The following TASP1 variants were observed in gnomAD, a reference collection of about 807,000 sequenced individuals.
TASP1 encodes the protein taspase 1.
TASP1 carries 16 observed loss-of-function variants against 56.6 expected under a neutral mutation model. That is an observed-to-expected ratio of 0.28 (90% confidence interval 0.19 to 0.43). The LOEUF (loss-of-function observed/expected upper bound fraction) is 0.43, where lower values mean the gene tolerates loss of function less well. Ranked by LOEUF, TASP1 falls within the 20% of genes least tolerant of loss-of-function variation. The pLI, the probability that TASP1 is intolerant of heterozygous loss-of-function variation, is 1.00. For synonymous variants in TASP1, 179 were observed against 184.2 expected (o/e 0.97, Z 0.23); for missense variants, 393 against 511.6 (o/e 0.77, Z 2.24).
At chr20:13,189,607 C>T in the TASP1 span, among the ~76,000 whole-genome samples, 4 of 151,970 alleles carry the variant, frequency 2.6e-5, no homozygotes, top group African/African-American at 9.7e-5. Flanking sequence ...CAATGAGATA[C>T]CATTTCATAC....
intron 13 of TASP1, among the ~76,000 whole-genome samples, chr20:13,397,166 T>A (rs1340085017): frequency 2.0e-5 from 3 of 152,230 alleles, no homozygotes; most frequent in African/African-American, 7.2e-5. Context: ...TTGCTACAGG[T>A]GATAAAAGTG....
chr20:13,452,708 G>A (rs1175385711), intron 11 of TASP1, among the ~76,000 whole-genome samples: 2 of 151,810 alleles, frequency 1.3e-5, no homozygotes, highest in Non-Finnish European at 2.9e-5. Flanking sequence ...ATCTGAGAAG[G>A]GCATACTCAC....
the TASP1 span, among the ~76,000 whole-genome samples, chr20:13,224,998 A>C: frequency 8.7e-5 from 13 of 149,070 alleles, no homozygotes; most frequent in East Asian, 7.8e-4. Flanking sequence ...GGCGCCTGCC[A>C]CCACGCCCGG....
the TASP1 span, among the ~76,000 whole-genome samples, chr20:13,280,405 A>G: frequency 7.9e-6 from 1 of 127,246 alleles, no homozygotes; most frequent in East Asian, 2.7e-4. Context: ...CCCCCCCCCA[A>G]TACATTTCAA....
At chr20:13,323,797 G>A in the TASP1 span, among the ~76,000 whole-genome samples, 1 of 152,120 alleles carries the variant, frequency 6.6e-6, no homozygotes, top group African/African-American at 2.4e-5. Context: ...TTGAAATGAA[G>A]GCTTCTTTAT....
chr20:13,515,904 G>A (rs2044511284), intron 10 of TASP1, among the ~76,000 whole-genome samples: 1 of 152,008 alleles, frequency 6.6e-6, no homozygotes, highest in Admixed American at 6.6e-5. Flanking sequence ...AAGCTGGCAT[G>A]ACTTTAAAGT....
At chr20:13,221,950 CG>C in the TASP1 span, 2 of 1,306,580 alleles carry the variant, frequency 1.5e-6, no homozygotes, top group Non-Finnish European at 9.7e-7. Flanking sequence ...TGCGCGGCTG[CG>C]GGGACGGTTT....
At chr20:13,435,414 TG>T (rs1475389520) in intron 11 of TASP1, among the ~76,000 whole-genome samples, 1 of 152,102 alleles carries the variant, frequency 6.6e-6, no homozygotes, top group East Asian at 1.9e-4. Context: ...GTATTCAGAA[TG>T]GAATTGGAAA....
chr20:13,134,286 C>T, the TASP1 span, among the ~76,000 whole-genome samples: 2,814 of 152,240 alleles, frequency 0.018, 54 homozygotes, highest in South Asian at 0.03. Flanking sequence ...ATTGTATCTC[C>T]GAATACTTAA....
intron 13 of TASP1, among the ~76,000 whole-genome samples, chr20:13,413,158 T>C (rs147375492): frequency 9.1e-4 from 139 of 152,214 alleles, no homozygotes; most frequent in Non-Finnish European, 1.1e-3. Context: ...TGGCACGACC[T>C]CATGAGGTTT....
chr20:13,179,698 A>T, the TASP1 span, among the ~76,000 whole-genome samples: 1 of 152,122 alleles, frequency 6.6e-6, no homozygotes, highest in Non-Finnish European at 1.5e-5. Flanking sequence ...GATCTCAGAC[A>T]TGGAGTGCCC....
intron 4 of TASP1, among the ~76,000 whole-genome samples, chr20:13,592,395 C>T (rs1036134260): frequency 1.4e-4 from 14 of 98,030 alleles, no homozygotes; most frequent in African/African-American, 9.4e-4. Context: ...GAAACACTGT[C>T]TCAAAAAAAA....
chr20:13,376,384 T>TAGATGTG, the TASP1 span, among the ~76,000 whole-genome samples: 1 of 152,208 alleles, frequency 6.6e-6, no homozygotes, highest in Non-Finnish European at 1.5e-5. Flanking sequence ...CAGATGGTTG[T>TAGATGTG]AGATGTGTGG....
the TASP1 span, among the ~76,000 whole-genome samples, chr20:13,207,766 T>C: frequency 6.6e-6 from 1 of 152,172 alleles, no homozygotes. Flanking sequence ...GCTAATCTCA[T>C]AGAGAAACAC....
At chr20:13,323,720 A>T in the TASP1 span, among the ~76,000 whole-genome samples, 249 of 152,320 alleles carry the variant, frequency 1.6e-3, 1 homozygote, top group African/African-American at 5.1e-3. Context: ...TACTAAAAGA[A>T]TGTTCTTAAA....
chr20:13,434,970 A>T, intron 12 of TASP1, 74 bp downstream of exon 12: 1 of 1,054,770 alleles, frequency 9.5e-7, no homozygotes, highest in Admixed American at 2.4e-5. Context: ...TTATTGACTT[A>T]AGGGTATAAA....
At chr20:13,515,896 G>C (rs1385107648) in intron 10 of TASP1, among the ~76,000 whole-genome samples, 1 of 152,032 alleles carries the variant, frequency 6.6e-6, no homozygotes, top group African/African-American at 2.4e-5. Flanking sequence ...AGTCATTTAA[G>C]CTGGCATGAC....
chr20:13,136,449 A>G, the TASP1 span, among the ~76,000 whole-genome samples: 1 of 151,756 alleles, frequency 6.6e-6, no homozygotes, highest in Non-Finnish European at 1.5e-5. Flanking sequence ...CATACAAAAA[A>G]ATTAGATGGC....
chr20:13,248,900 T>C, the TASP1 span, among the ~76,000 whole-genome samples: 1 of 152,300 alleles, frequency 6.6e-6, no homozygotes, highest in Admixed American at 6.5e-5. Flanking sequence ...GGTGAAAGTA[T>C]ATGATGTAAG....
Sources: allele counts gnomAD v4.1 joint callset (sites outside exome capture counted in the v4.1 genomes callset), GRCh38; gene constraint gnomAD v4.1.1; transcripts MANE v1.5; gene names NCBI Gene and HGNC (gene_info 2026-07-23, HGNC 2026-07-21).